The following PCM1 variants were observed in gnomAD, a reference collection of about 807,000 sequenced individuals.
PCM1 encodes the protein pericentriolar material 1 protein.
In PCM1, 157 loss-of-function variants were observed where a neutral mutation model predicts 241.9. The ratio of observed to expected loss-of-function variants is 0.65; its 90% CI spans 0.57 to 0.74. The LOEUF is 0.74. PCM1 is among the 30% of genes least tolerant of loss of function. The probability of loss-of-function intolerance (pLI) is 0.00; values close to 1 mark genes in which losing one functional copy is unlikely to be tolerated. For synonymous variants in PCM1, 1,085 were observed against 784.9 expected (o/e 1.38, Z -6.39); for missense variants, 3,478 against 2,360.1 (o/e 1.47, Z -9.81).
intron 24 of PCM1, chr8:17,982,663 T>C: frequency 6.6e-6 from 1 of 152,112 alleles, no homozygotes; most frequent in Non-Finnish European, 1.5e-5. Context: ...CCCGGCTAAT[T>C]TTTTGTATTT....
At chr8:17,931,269 G>C (rs948585549) in intron 2 of PCM1, among the ~76,000 whole-genome samples, 4 of 151,934 alleles carry the variant, frequency 2.6e-5, no homozygotes, top group African/African-American at 9.7e-5. Context: ...AATAGAATGC[G>C]TAAAACATTC....
chr8:17,985,350 T>C lies in PCM1; in HGVS notation c.4109-97T>C, dbSNP rs1051323899. 7 of 730,600 alleles carry C rather than the reference T, an allele frequency of 9.6e-6. No individual in the cohort carries two copies. In the African/African-American group the frequency reaches 1.1e-4, roughly 12 times the overall value. The allele number at this position is 730,600 out of a possible 1,614,324, so 45.3% of individuals were successfully genotyped here. On this transcript the variant is annotated intron_variant, in intron 24 of 38. Transcript: ENST00000325083. ...ATAGAATTGTCTAAAATAGAATTTT[T>C]AGATAATTTAAAGCTGAGAGTAATG...
chr8:17,941,902 C>T (rs1257692215), intron 6 of PCM1, among the ~76,000 whole-genome samples: 1 of 152,030 alleles, frequency 6.6e-6, no homozygotes, highest in Non-Finnish European at 1.5e-5. Flanking sequence ...ATTTCCTCTT[C>T]TTTATTTGCT....
chr8:17,956,967 C>A (rs893485876), intron 11 of PCM1, among the ~76,000 whole-genome samples, 190 bp downstream of exon 11: 1 of 152,190 alleles, frequency 6.6e-6, no homozygotes, highest in African/African-American at 2.4e-5. Flanking sequence ...TACAATAGTT[C>A]AGTAAATTTG....
chr8:17,947,458 A>G (rs1431191468), intron 7 of PCM1, 95 bp downstream of exon 7: 5 of 901,332 alleles, frequency 5.5e-6, no homozygotes, highest in Admixed American at 2.5e-5. Context: ...TCAGATCTTG[A>G]TTGTTGTCTA....
chr8:17,964,409 T>C (rs1156376899), intron 17 of PCM1, among the ~76,000 whole-genome samples, 159 bp from the exon 18 acceptor site: 2 of 152,192 alleles, frequency 1.3e-5, no homozygotes, highest in Non-Finnish European at 2.9e-5. Flanking sequence ...ATAACAGCAA[T>C]AGGGAGAGTG....
chr8:17,940,008 T>C (rs2061558574), intron 6 of PCM1, 147 bp downstream of exon 6: 23 of 1,368,228 alleles, frequency 1.7e-5, no homozygotes, highest in Non-Finnish European at 2.3e-5. Context: ...CCCATTTTAA[T>C]AGTTGTATGA....
At position 18,006,323 on chromosome 8, in the gene PCM1, A is replaced by T. The variant is rs368728557; in HGVS notation, c.4888A>T (p.Thr1630Ser). Residue 1630 changes from threonine to serine, a missense_variant, in exon 30 of 39, where the codon ACC (threonine) becomes TCC (serine). Physicochemically the swap from Thr to Ser is moderately conservative, Grantham distance 58. Transcript: ENST00000325083. Reference protein sequence around the residue: ...LLTSVRRMVLTLTQQNDESKE... With the variant: ...LLTSVRRMVLSLTQQNDESKE... ...AACTTCAGTAAGGCGCATGGTTTTG[A>T]CCCTTACCCAGCAAAATGATGAGAG... The T allele has an allele frequency of 9.9e-6, 16 of 1,612,654 alleles. No individual in the cohort carries two copies. Among genetic ancestry groups the T allele is most frequent in the Non-Finnish European group, 1.4e-5 (16 of 1,178,990 alleles).
intron 21 of PCM1, 197 bp from the exon 22 acceptor site, chr8:17,969,380 G>A: frequency 4.1e-6 from 2 of 491,310 alleles, no homozygotes; most frequent in Non-Finnish European, 3.5e-6. Flanking sequence ...ATTATTAATT[G>A]TCTTTGACCA....
intron 23 of PCM1, among the ~76,000 whole-genome samples, chr8:17,979,429 C>T (rs1042714415): frequency 2.6e-5 from 4 of 152,164 alleles, no homozygotes; most frequent in East Asian, 1.9e-4. Flanking sequence ...CCTAGAGTTA[C>T]AAGGTAAACT....
intron 22 of PCM1, among the ~76,000 whole-genome samples, chr8:17,971,806 C>T (rs2076944659): frequency 6.6e-6 from 1 of 152,168 alleles, no homozygotes; most frequent in South Asian, 2.1e-4. Context: ...CAGTTGATAA[C>T]GATCATAGCT....
intron 7 of PCM1, among the ~76,000 whole-genome samples, chr8:17,949,819 G>C (rs929706947): frequency 6.6e-6 from 1 of 152,108 alleles, no homozygotes; most frequent in Non-Finnish European, 1.5e-5. Flanking sequence ...TTTAGAGTTG[G>C]AGAGTTAGAA....
intron 6 of PCM1, among the ~76,000 whole-genome samples, chr8:17,942,008 TC>T: frequency 6.6e-6 from 1 of 152,202 alleles, no homozygotes; most frequent in South Asian, 2.1e-4. Context: ...CTGTTTTTTT[TC>T]TACTTTGTTA....
chr8:18,023,354 G>C (rs2093912591), intron 36 of PCM1, among the ~76,000 whole-genome samples: 1 of 152,090 alleles, frequency 6.6e-6, no homozygotes, highest in African/African-American at 2.4e-5. Context: ...TCTAGATTTT[G>C]TTCTTTGGTA....
chr8:18,006,138 A>T (rs2091253704), intron 29 of PCM1, 125 bp from the exon 30 acceptor site: 1 of 723,922 alleles, frequency 1.4e-6, no homozygotes, highest in African/African-American at 1.8e-5. Flanking sequence ...CTAAACAGAC[A>T]TCTGAAAATT....
chr8:17,935,553 T>G (rs1186260027), intron 2 of PCM1, 36 bp from the exon 3 acceptor site: 3 of 711,064 alleles, frequency 4.2e-6, no homozygotes, highest in African/African-American at 1.8e-5. Context: ...TTTGTTTTTA[T>G]GTGTTATAAA....
At chr8:18,000,819 C>G (rs1338311757) in intron 29 of PCM1, among the ~76,000 whole-genome samples, 2 of 152,118 alleles carry the variant, frequency 1.3e-5, no homozygotes, top group African/African-American at 4.8e-5. Context: ...GATGGTGTTT[C>G]CCTATGTTGA....
At chr8:17,982,166 G>A (rs923724235) in intron 24 of PCM1, among the ~76,000 whole-genome samples, 3 of 152,188 alleles carry the variant, frequency 2.0e-5, no homozygotes, top group Non-Finnish European at 4.4e-5. Context: ...CTGGGCTTCT[G>A]TTAAGTCTGT....
intron 35 of PCM1, among the ~76,000 whole-genome samples, chr8:18,014,311 T>TA (rs71545507): frequency 1.3e-4 from 19 of 151,556 alleles, no homozygotes; most frequent in Admixed American, 7.2e-4. Context: ...ATGGTAGATT[T>TA]AAAAAAAAAA....
Sources: gnomAD v4.1 joint callset for allele counts (sites outside exome capture counted in the v4.1 genomes callset) on GRCh38, gnomAD v4.1.1 for gene constraint, MANE v1.5 for transcripts, NCBI Gene and HGNC (gene_info 2026-07-23, HGNC 2026-07-21) for gene names.